The following ROR1 variants were observed in gnomAD, a reference collection of about 807,000 sequenced individuals.
ROR1 encodes inactive tyrosine-protein kinase transmembrane receptor ROR1.
Under a neutral mutation model 78.8 loss-of-function variants are expected in ROR1, and 19 were observed. That is an observed-to-expected ratio of 0.24 (90% CI 0.17 to 0.35). The LOEUF is 0.35. Among genes scored for constraint, ROR1 ranks in the 10% least tolerant of loss-of-function variants. The probability of loss-of-function intolerance (pLI) is 1.00; values close to 1 mark genes in which losing one functional copy is unlikely to be tolerated. For synonymous variants in ROR1, 386 were observed against 433.6 expected, an observed-to-expected ratio of 0.89 and a Z score of 1.36; for missense variants, 917 against 1,177.8, an observed-to-expected ratio of 0.78 and a Z score of 3.24.
chr1:63,896,681 C>A (rs1031188337), intron 1 of ROR1, among the ~76,000 whole-genome samples: 1 of 152,070 alleles, frequency 6.6e-6, no homozygotes, highest in African/African-American at 2.4e-5. Context: ...TAGAAGACAG[C>A]CTGAAATTGC....
intron 4 of ROR1, among the ~76,000 whole-genome samples, chr1:64,101,086 T>C: frequency 6.6e-6 from 1 of 152,198 alleles, no homozygotes; most frequent in East Asian, 1.9e-4. Flanking sequence ...ATCATGAGGG[T>C]ATTTTACATG....
chr1:63,926,169 T>G (rs529578164), intron 1 of ROR1, among the ~76,000 whole-genome samples: 2 of 151,654 alleles, frequency 1.3e-5, no homozygotes, highest in South Asian at 2.1e-4. Context: ...AAGTCTTTAA[T>G]CCATCTTGAA....
At chr1:64,084,331 T>C (rs1647132647) in intron 4 of ROR1, among the ~76,000 whole-genome samples, 1 of 152,204 alleles carries the variant, frequency 6.6e-6, no homozygotes, top group Non-Finnish European at 1.5e-5. Flanking sequence ...CTTTAGGCGT[T>C]ATAACTCTGT....
At chr1:64,152,233 T>C (rs1331093989) in intron 7 of ROR1, among the ~76,000 whole-genome samples, 2 of 152,234 alleles carry the variant, frequency 1.3e-5, no homozygotes, top group Non-Finnish European at 2.9e-5. Flanking sequence ...TGAAGACATA[T>C]GTCACATCCT....
intron 1 of ROR1, among the ~76,000 whole-genome samples, chr1:63,990,590 T>C (rs1371734059): frequency 6.6e-6 from 1 of 152,148 alleles, no homozygotes; most frequent in African/African-American, 2.4e-5. Flanking sequence ...CTTTTTACCT[T>C]TAAAAACAAA....
At chr1:63,944,269 A>G (rs1645865170) in intron 1 of ROR1, among the ~76,000 whole-genome samples, 1 of 152,212 alleles carries the variant, frequency 6.6e-6, no homozygotes, top group Non-Finnish European at 1.5e-5. Flanking sequence ...CAGATTTCCC[A>G]TTAAAAGGAA....
At position 63,774,829 on chromosome 1, in the gene ROR1, A is replaced by G. The variant is rs1644603810; in HGVS notation, c.91+321A>G. 6.6e-6 allele frequency among the ~76,000 whole-genome samples: 1 copy of G among 152,006 alleles called. No homozygotes were observed. The highest frequency in any genetic ancestry group is 6.5e-5 in the Admixed American group (1 of 15,276). On this transcript the variant is annotated intron_variant, in intron 1 of 8. Transcript: ENST00000371079. This position sits in a 1 kb window ranked among gnomAD's most constrained non-coding sequence, Gnocchi z 5.7. ...GGGGGTGATCGGGGCACTTCTGTGC[A>G]GGGCGTCCCCCCTTGTCTCCCTGGA...
chr1:64,138,322 A>G (rs1649189340), intron 5 of ROR1, among the ~76,000 whole-genome samples: 1 of 152,254 alleles, frequency 6.6e-6, no homozygotes, highest in Admixed American at 6.5e-5. Flanking sequence ...TTTCAGATAA[A>G]CAACGAATAA....
intron 7 of ROR1, among the ~76,000 whole-genome samples, chr1:64,144,837 G>A (rs1649432356): frequency 6.6e-6 from 1 of 152,146 alleles, no homozygotes; most frequent in African/African-American, 2.4e-5. Flanking sequence ...TGTAGTAAAA[G>A]CAGTTTATTG....
chr1:63,984,958 G>A (rs1178196722), intron 1 of ROR1, among the ~76,000 whole-genome samples: 1 of 152,268 alleles, frequency 6.6e-6, no homozygotes, highest in Non-Finnish European at 1.5e-5. Flanking sequence ...GATTACCCAC[G>A]CACCTCTGTC....
chr1:63,933,982 A>G (rs1407945952), intron 1 of ROR1, among the ~76,000 whole-genome samples: 1 of 152,198 alleles, frequency 6.6e-6, no homozygotes, highest in South Asian at 2.1e-4. Flanking sequence ...GGGAGCACCA[A>G]GGCTTGGGAG....
At position 63,988,916 on chromosome 1, in the gene ROR1, G is replaced by T. The variant is rs556866263; in HGVS notation, c.92-20389G>T. Among the ~76,000 whole-genome samples, 2 of 150,756 alleles carry T rather than the reference G, an allele frequency of 1.3e-5. 1 individual carries two copies. Among genetic ancestry groups the T allele is most frequent in the East Asian group, 3.9e-4 (2 of 5,180 alleles). On this transcript the variant is annotated intron_variant, in intron 1 of 8. Transcript: ENST00000371079. ...TACATTTGGGTTGCTTCTACCTTTT[G>T]GTTGTTATAAATGCTGCCATGAGTA...
intron 1 of ROR1, among the ~76,000 whole-genome samples, chr1:63,933,208 A>G (rs566570216): frequency 1.5e-4 from 23 of 152,346 alleles, no homozygotes; most frequent in Non-Finnish European, 2.9e-4. Flanking sequence ...ACAGGGCAGC[A>G]TAGTAGTGGT....
At chr1:64,081,520 T>C (rs564884666) in intron 4 of ROR1, among the ~76,000 whole-genome samples, 1 of 152,240 alleles carries the variant, frequency 6.6e-6, no homozygotes, top group East Asian at 1.9e-4. Flanking sequence ...CTCACACCTA[T>C]AATCCCAGCA....
At chr1:63,811,840 G>C (rs1047020844) in intron 1 of ROR1, among the ~76,000 whole-genome samples, 3 of 152,100 alleles carry the variant, frequency 2.0e-5, no homozygotes, top group African/African-American at 7.2e-5. Flanking sequence ...AGAAAGGTCT[G>C]GGTGGCTCAG....
chr1:64,175,433 C>A (rs980932317), intron 8 of ROR1, among the ~76,000 whole-genome samples: 3 of 151,994 alleles, frequency 2.0e-5, no homozygotes, highest in Non-Finnish European at 2.9e-5. Flanking sequence ...AATATATTCT[C>A]TATAGGGACA....
At chr1:63,865,277 C>T (rs951601662) in intron 1 of ROR1, among the ~76,000 whole-genome samples, 25 of 152,092 alleles carry the variant, frequency 1.6e-4, no homozygotes, top group Non-Finnish European at 1.2e-4. Context: ...TCACAGTGGT[C>T]CCAGTGTTAG....
At chr1:63,967,329 G>C (rs1646083445) in intron 1 of ROR1, among the ~76,000 whole-genome samples, 1 of 152,140 alleles carries the variant, frequency 6.6e-6, no homozygotes, top group Non-Finnish European at 1.5e-5. Context: ...GGTGAAGGGT[G>C]ACATATTAAA....
At chr1:64,035,656 A>G (rs958835) in intron 2 of ROR1, among the ~76,000 whole-genome samples, 98,365 of 152,034 alleles carry the variant, frequency 0.65, 35,710 homozygotes, top group East Asian at 0.88. Flanking sequence ...TCTGGGGGCC[A>G]TAGAGTGTTG....
Sources: gnomAD v4.1 joint callset for allele counts (sites outside exome capture counted in the v4.1 genomes callset) on GRCh38, gnomAD v4.1.1 for gene constraint, Gnocchi (gnomAD v3.1) non-coding constraint, MANE v1.5 for transcripts, NCBI Gene and HGNC (gene_info 2026-07-23, HGNC 2026-07-21) for gene names.